PPARD: variants seen among roughly 807,000 people sequenced by gnomAD.
PPARD encodes the protein peroxisome proliferator activated receptor delta.
Under a neutral mutation model 39.5 loss-of-function variants are expected in PPARD, and 6 were observed. That is an observed-to-expected ratio of 0.15 (90% CI 0.08 to 0.30). PPARD has a LOEUF of 0.30. Ranked by LOEUF, PPARD falls within the 10% of genes least tolerant of loss-of-function variation. The pLI is 1.00. For missense variants in PPARD, 397 were observed against 596.8 expected, an observed-to-expected ratio of 0.67 and a Z score of 3.49; for synonymous variants, 210 against 231.3, an observed-to-expected ratio of 0.91 and a Z score of 0.83.
intron 2 of PPARD, among the ~76,000 whole-genome samples, chr6:35,378,682 G>A (rs1480740814): frequency 6.6e-6 from 1 of 152,144 alleles, no homozygotes; most frequent in Non-Finnish European, 1.5e-5. Context: ...TTAGGAGTAG[G>A]TGACTCTGTA....
intron 2 of PPARD, among the ~76,000 whole-genome samples, chr6:35,360,713 C>T (rs1339219416): frequency 1.3e-5 from 2 of 152,272 alleles, no homozygotes; most frequent in African/African-American, 4.8e-5. Context: ...CCTGCCTAAG[C>T]TAGCAGGACT....
chr6:35,373,061 G>C (rs1334607409), intron 2 of PPARD, among the ~76,000 whole-genome samples: 1 of 152,200 alleles, frequency 6.6e-6, no homozygotes, highest in East Asian at 1.9e-4. Context: ...TCCTCCAGAG[G>C]GGATGAATGC....
At chr6:35,386,542 G>T (rs1763672263) in intron 2 of PPARD, among the ~76,000 whole-genome samples, 1 of 151,926 alleles carries the variant, frequency 6.6e-6, no homozygotes. Flanking sequence ...TGGCTTTTTG[G>T]ATCTTGGGGA....
chr6:35,422,193 G>A (rs1473453989), intron 5 of PPARD, among the ~76,000 whole-genome samples: 1 of 152,202 alleles, frequency 6.6e-6, no homozygotes, highest in Non-Finnish European at 1.5e-5. Flanking sequence ...GCGTGGGGTA[G>A]TGTTTACCTC....
At chr6:35,410,036 G>T (rs1765325557) in intron 2 of PPARD, among the ~76,000 whole-genome samples, 1 of 152,210 alleles carries the variant, frequency 6.6e-6, no homozygotes, top group Non-Finnish European at 1.5e-5. Context: ...TGAGTGGGTA[G>T]ACAGGCAGGT....
At chr6:35,394,681 GA>G (rs1425385125) in intron 2 of PPARD, among the ~76,000 whole-genome samples, 1 of 151,352 alleles carries the variant, frequency 6.6e-6, no homozygotes, top group Non-Finnish European at 1.5e-5. Flanking sequence ...TGAGGTGGGA[GA>G]ATCACTTGAA....
chr6:35,355,267 T>C (rs1466866338), intron 2 of PPARD, among the ~76,000 whole-genome samples: 2 of 152,136 alleles, frequency 1.3e-5, no homozygotes, highest in Non-Finnish European at 2.9e-5. Context: ...CTAGCCATCA[T>C]GGGGAAACCC....
intron 2 of PPARD, among the ~76,000 whole-genome samples, chr6:35,410,047 G>A (rs1248601544): frequency 2.0e-5 from 3 of 152,194 alleles, no homozygotes; most frequent in Non-Finnish European, 1.5e-5. Flanking sequence ...ACAGGCAGGT[G>A]GGTTGCTAAA....
At chr6:35,354,361 T>G (rs1209075928) in intron 2 of PPARD, among the ~76,000 whole-genome samples, 1 of 146,128 alleles carries the variant, frequency 6.8e-6, no homozygotes, top group East Asian at 2.1e-4. Flanking sequence ...AGTGCAGTGG[T>G]GTGATCTCGG....
intron 2 of PPARD, among the ~76,000 whole-genome samples, chr6:35,375,899 C>T (rs192424107): frequency 3.3e-5 from 5 of 152,118 alleles, no homozygotes; most frequent in African/African-American, 9.7e-5. Flanking sequence ...TTCTCCCATC[C>T]TTTTACTTAG....
intron 2 of PPARD, among the ~76,000 whole-genome samples, chr6:35,379,838 T>C (rs1763039843): frequency 1.3e-5 from 2 of 152,248 alleles, no homozygotes; most frequent in South Asian, 4.1e-4. Flanking sequence ...TGCTCTCTCT[T>C]GGTCTTTATG....
rs563030059 is a variant in PPARD, at chr6:35,374,661, A to G, written c.-102+27511A>G. 8.6e-5 allele frequency among the ~76,000 whole-genome samples: 13 copies of G among 151,446 alleles called. No homozygotes were observed. The South Asian group carries it at 1.7e-3, about 19-fold the overall frequency. On this transcript the variant is annotated intron_variant, in intron 2 of 7. Coordinates refer to ENST00000360694, the MANE Select transcript of PPARD (RefSeq NM_006238.5). The stretch of plus-strand genomic sequence containing the variant: ...CGACAGAGCGAGACTCTGTCTCAAA[A>G]AAAAAAAAAAAGAAAAGGAAAAATA...
intron 2 of PPARD, among the ~76,000 whole-genome samples, chr6:35,408,206 T>C (rs1446773102): frequency 1.3e-5 from 2 of 152,186 alleles, no homozygotes; most frequent in African/African-American, 4.8e-5. Flanking sequence ...GGGCAGAAGT[T>C]TGTCTCTCTA....
At chr6:35,378,977 C>G (rs1165897530) in intron 2 of PPARD, among the ~76,000 whole-genome samples, 1 of 152,088 alleles carries the variant, frequency 6.6e-6, no homozygotes, top group Non-Finnish European at 1.5e-5. Context: ...ATAACAGTCT[C>G]ATGAGAGTGA....
At chr6:35,378,774 C>T (rs1762962138) in intron 2 of PPARD, among the ~76,000 whole-genome samples, 1 of 152,110 alleles carries the variant, frequency 6.6e-6, no homozygotes, top group South Asian at 2.1e-4. Flanking sequence ...CTTCTGACCT[C>T]GTTAAGATTT....
At chr6:35,351,095 G>A (rs1454970681) in intron 2 of PPARD, among the ~76,000 whole-genome samples, 4 of 150,616 alleles carry the variant, frequency 2.7e-5, no homozygotes, top group East Asian at 2.0e-4. Context: ...GCACAATCTC[G>A]GCTTACTGCA....
chr6:35,382,015 A>G (rs1189385719), intron 2 of PPARD, among the ~76,000 whole-genome samples: 2 of 152,216 alleles, frequency 1.3e-5, no homozygotes, highest in Non-Finnish European at 1.5e-5. Flanking sequence ...TTCGTCATGC[A>G]GACATTCTTG....
At chr6:35,394,433 T>A (rs141521288) in intron 2 of PPARD, among the ~76,000 whole-genome samples, 2 of 152,316 alleles carry the variant, frequency 1.3e-5, no homozygotes, top group African/African-American at 4.8e-5. Context: ...TTAAAAAACT[T>A]GCTTACTAGA....
intron 2 of PPARD, among the ~76,000 whole-genome samples, chr6:35,360,065 A>C (rs1295033128): frequency 6.6e-6 from 1 of 152,068 alleles, no homozygotes; most frequent in African/African-American, 2.4e-5. Context: ...AAGAGGCAAA[A>C]TTTTGGCAGG....
Sources: gnomAD v4.1 joint callset for allele counts (sites outside exome capture counted in the v4.1 genomes callset) on GRCh38, gnomAD v4.1.1 for gene constraint, MANE v1.5 for transcripts, NCBI Gene and HGNC (gene_info 2026-07-23, HGNC 2026-07-21) for gene names.